RHCE: variants seen among roughly 807,000 people sequenced by gnomAD.
The protein encoded by RHCE is Rh blood group CcEe antigens, also known as blood group Rh(CE) polypeptide.
A neutral mutation model predicts 43.8 loss-of-function variants in RHCE; 22 were observed. The observed-to-expected ratio is 0.50, with a 90% CI of 0.36 to 0.72. The LOEUF (loss-of-function observed/expected upper bound fraction) is 0.72. Among genes scored for constraint, RHCE ranks in the 30% least tolerant of loss-of-function variants. The pLI, the probability that RHCE is intolerant of heterozygous loss-of-function variation, is 0.00. For synonymous variants in RHCE, 156 were observed against 210.7 expected (o/e 0.74, Z 2.25); for missense variants, 385 against 525.4 (o/e 0.73, Z 2.61).
At chr1:25,423,215 C>T (rs1222034357), upstream of RHCE, among the ~76,000 whole-genome samples, 16 of 152,160 alleles carry the variant, frequency 1.1e-4, no homozygotes, top group Admixed American at 8.5e-4. Context: ...TTCTGGCAGT[C>T]AGTACTTCTT....
Position 25,390,751 on chromosome 1 carries a change from T to C in RHCE, c.799A>G (p.Met267Val), listed in dbSNP as rs1444353165. Residue 267 changes from methionine to valine, a missense_variant and splice_region_variant, in exon 5 of 10, where the codon ATG (methionine) becomes GTG (valine). By Grantham distance (21) the Met-to-Val change is conservative. Coordinates refer to ENST00000294413, the MANE Select transcript of RHCE (RefSeq NM_020485.8). ...SLAHPQRKIS[M>V]TYVHSAVLAG... Reference sequence around the variant, plus strand: ...CCCAAGGGCAGCGCCCTGCTCACCATGCTGATCTTCCTTTGGGGGTGAGCC... The same window carrying C: ...CCCAAGGGCAGCGCCCTGCTCACCACGCTGATCTTCCTTTGGGGGTGAGCC... 6.2e-7 allele frequency: 1 copy of C among 1,614,130 alleles called. No individual in the cohort carries two copies. The highest frequency in any genetic ancestry group is 8.5e-7 in the Non-Finnish European group (1 of 1,180,048).
chr1:25,383,378 C>T (rs1312220261), intron 7 of RHCE, among the ~76,000 whole-genome samples: 3 of 152,232 alleles, frequency 2.0e-5, no homozygotes, highest in Admixed American at 6.5e-5. Flanking sequence ...CCATTAAGTG[C>T]TGTGACTTTG....
intron 8 of RHCE, among the ~76,000 whole-genome samples, chr1:25,372,478 C>T (rs1048093540): frequency 1.3e-5 from 2 of 151,222 alleles, no homozygotes; most frequent in Admixed American, 1.3e-4. Flanking sequence ...GAGATAGCGC[C>T]ATTGCACTCC....
chr1:25,402,827 C>A, intron 2 of RHCE, 81 bp from the exon 3 acceptor site: 3 of 1,574,098 alleles, frequency 1.9e-6, no homozygotes, highest in Non-Finnish European at 2.6e-6. Flanking sequence ...ATTCATTCAA[C>A]AAACACTGTT....
In RHCE at chr1:25,411,411, A is replaced by G. The variant is rs1647073246; in HGVS notation, c.149-2542T>C. On this transcript the variant is annotated intron_variant, in intron 1 of 9. Transcript: ENST00000294413. ...CATTACTGGAACTCTCCAAAGTCTC[A>G]GAAAAAGTCTTTGATTTATAAAGTA... The G allele has an allele frequency of 3.9e-6, 6 of 1,550,382 alleles. No individual in the cohort carries two copies. In the African/African-American group the frequency reaches 6.8e-5, roughly 18 times the overall value.
chr1:25,416,459 T>G (rs1413916009), intron 1 of RHCE, among the ~76,000 whole-genome samples: 1 of 152,008 alleles, frequency 6.6e-6, no homozygotes, highest in East Asian at 1.9e-4. Flanking sequence ...GAGATGGGGT[T>G]TCATCATGTT....
At chr1:25,399,917 AAATT>A (rs1236895114) in intron 3 of RHCE, among the ~76,000 whole-genome samples, 1 of 152,206 alleles carries the variant, frequency 6.6e-6, no homozygotes, top group Non-Finnish European at 1.5e-5. Flanking sequence ...TATAAGTAAT[AAATT>A]GTTATTTTCG....
intron 3 of RHCE, among the ~76,000 whole-genome samples, chr1:25,394,676 C>G (rs1433334926): frequency 1.3e-5 from 2 of 152,054 alleles, no homozygotes; most frequent in African/African-American, 2.4e-5. Flanking sequence ...TAGTAAATAC[C>G]AAATAAATAT....
At chr1:25,381,474 G>A (rs74475630) in intron 7 of RHCE, among the ~76,000 whole-genome samples, 23 of 50,914 alleles carry the variant, frequency 4.5e-4, no homozygotes, top group East Asian at 3.6e-3. Flanking sequence ...TTTTTTTTTT[G>A]AGTTGGAGTT....
At chr1:25,382,677 TCA>T (rs1409322474) in intron 7 of RHCE, among the ~76,000 whole-genome samples, 1 of 152,114 alleles carries the variant, frequency 6.6e-6, no homozygotes, top group Non-Finnish European at 1.5e-5. Flanking sequence ...TGTCCCTATT[TCA>T]CAGAGGACAA....
At chr1:25,419,434 T>C (rs919788337) in intron 1 of RHCE, among the ~76,000 whole-genome samples, 3 of 152,008 alleles carry the variant, frequency 2.0e-5, no homozygotes, top group African/African-American at 7.2e-5. Flanking sequence ...CCCTAAGTCC[T>C]ACTTGTCACT....
Position 25,385,816 on chromosome 1 carries a change from T to C in RHCE, c.968A>G (p.His323Arg), listed in dbSNP as rs1053366. 6.2e-7 allele frequency: 1 copy of C among 1,613,886 alleles called. No homozygotes were observed. Among genetic ancestry groups the C allele is most frequent in the Admixed American group, 1.7e-5 (1 of 59,992 alleles). Residue 323 changes from histidine (H) to arginine (R), a missense_variant, in exon 7 of 10, where the codon CAC becomes CGC. By Grantham distance (29) the His-to-Arg change is conservative. Coordinates refer to ENST00000294413, the MANE Select transcript of RHCE (RefSeq NM_020485.8). ...GATGGAGTGCATGACGGAGATGTGG[T>C]GAATCCCCAGCACTCGGTTACAACA... is the stretch of plus-strand genomic sequence containing the variant. ...PVCCNRVLGI[H>R]HISVMHSIFS...
chr1:25,399,653 C>T lies in RHCE; in HGVS notation c.486+2943G>A, dbSNP rs562856188. ...GTGTTTAATTTTCAAAAACTTCCCT[C>T]TCTAGTCGGTAGATACCACCTACCG... On this transcript the variant is annotated intron_variant, in intron 3 of 9. Transcript: ENST00000294413. 3.1e-4 allele frequency among the ~76,000 whole-genome samples: 47 copies of T among 152,278 alleles called. 2 individuals carry two copies. The highest frequency in any genetic ancestry group is 1.1e-3 in the African/African-American group (46 of 41,552).
rs1375982352 is a variant in RHCE at position 25,373,668 on chromosome 1, G to T, written c.1153+1681C>A. Among the ~76,000 whole-genome samples, 32 of 151,510 alleles carry T rather than the reference G, an allele frequency of 2.1e-4. 1 individual carries two copies. The highest frequency in any genetic ancestry group is 3.2e-4 in the Non-Finnish European group (22 of 68,016). ...CAGAGAAGCTAACCAAGGCTCAGAG[G>T]GAGTGAAGTGACATGCCCAATGTCA... On this transcript the variant is annotated intron_variant, in intron 8 of 9. Transcript: ENST00000294413.
At chr1:25,422,913 G>A (rs138718010), upstream of RHCE, among the ~76,000 whole-genome samples, 1,959 of 152,278 alleles carry the variant, frequency 0.013, 29 homozygotes, top group African/African-American at 0.043. Context: ...GTGCCCCTGT[G>A]AGAATCTAAT....
rs575202741 is a variant in RHCE, at chr1:25,406,238, C to T, written c.335+2445G>A. On this transcript the variant is annotated intron_variant, in intron 2 of 9. Transcript: ENST00000294413. Reference sequence around the variant, plus strand: ...GATGCAGTGTGTGTATGCGGGCGTGCGTGCGTGCGTGCGTGTGTGTGTGTG... The same window carrying T: ...GATGCAGTGTGTGTATGCGGGCGTGTGTGCGTGCGTGCGTGTGTGTGTGTG... Among the ~76,000 whole-genome samples, 3 of 85,856 alleles carry T rather than the reference C, an allele frequency of 3.5e-5. 1 individual carries two copies. Among genetic ancestry groups the T allele is most frequent in the Admixed American group, 2.3e-4 (2 of 8,582 alleles). The allele number at this position is 85,856 out of a possible 152,430, so 56.3% of individuals were successfully genotyped here.
chr1:25,370,524 G>C lies in RHCE; in HGVS notation c.1170C>G (p.Leu390=). The change falls in exon 9 of 10, where the codon CTC becomes CTG. Residue 390 remains leucine, a synonymous_variant. Coordinates refer to ENST00000294413, the MANE Select transcript of RHCE (RefSeq NM_020485.8). ...CCACATGAGGTGCTTTCCATATTTT[G>C]AGATTTAGGAGCAAACCTGTTTAAA... The part of the protein sequence containing the change: ...SGLLTGLLLN[L]KIWKAPHVAK... 2 of 1,611,824 alleles carry C rather than the reference G, an allele frequency of 1.2e-6. No homozygotes were observed. The highest frequency in any genetic ancestry group is 2.2e-5 in the South Asian group (2 of 91,038).
At chr1:25,379,948 G>A (rs1385804344) in intron 7 of RHCE, among the ~76,000 whole-genome samples, 1 of 152,034 alleles carries the variant, frequency 6.6e-6, no homozygotes, top group Non-Finnish European at 1.5e-5. Context: ...AAATCACTGG[G>A]ATTACAGGCA....
At chr1:25,372,000 C>T (rs1571828791) in intron 8 of RHCE, among the ~76,000 whole-genome samples, 1 of 151,406 alleles carries the variant, frequency 6.6e-6, no homozygotes, top group East Asian at 1.9e-4. Flanking sequence ...ATGAATTTTC[C>T]AGATAGCTGA....
Sources: gnomAD v4.1 joint callset for allele counts (sites outside exome capture counted in the v4.1 genomes callset) on GRCh38, gnomAD v4.1.1 for gene constraint, MANE v1.5 for transcripts, NCBI Gene and HGNC (gene_info 2026-07-23, HGNC 2026-07-21) for gene names.